Variants in KCNJ16 observed in about 807,000 individuals in gnomAD.
KCNJ16 encodes potassium inwardly rectifying channel subfamily J member 16, also known as inward rectifier potassium channel 16.
In KCNJ16, 15 loss-of-function variants were observed where a neutral mutation model predicts 18.5. That is an observed-to-expected ratio of 0.81 (90% CI 0.54 to 1.25). The LOEUF is 1.25. Among genes scored for constraint, KCNJ16 ranks in the 50% most tolerant of loss-of-function variants. The probability of loss-of-function intolerance (pLI) is 0.00; values close to 1 mark genes in which losing one functional copy is unlikely to be tolerated. For synonymous variants in KCNJ16, 174 were observed against 186.5 expected (o/e 0.93, Z 0.55); for missense variants, 523 against 525.7 (o/e 0.99, Z 0.05).
At chr17:70,092,521 G>GATAGATAGATAGATAGATAC in intron 1 of KCNJ16, among the ~76,000 whole-genome samples, 1 of 98,958 alleles carries the variant, frequency 1.0e-5, no homozygotes, top group Non-Finnish European at 2.0e-5. Flanking sequence ...TAGATAGATA[G>GATAGATAGATAGATAGATAC]ATACATAGAC....
At chr17:70,122,308 G>C (rs2073673802) in intron 2 of KCNJ16, among the ~76,000 whole-genome samples, 2 of 151,734 alleles carry the variant, frequency 1.3e-5, no homozygotes, top group Non-Finnish European at 2.9e-5. Context: ...AAGTAGCTGG[G>C]ATTACAGGCA....
chr17:70,109,750 G>T (rs1437245029), intron 2 of KCNJ16, among the ~76,000 whole-genome samples: 11 of 152,144 alleles, frequency 7.2e-5, no homozygotes, highest in Non-Finnish European at 1.2e-4. Context: ...TAGAAGTCTG[G>T]CCACTACATT....
chr17:70,101,546 G>A (rs1314745530), intron 2 of KCNJ16: 1 of 151,830 alleles, frequency 6.6e-6, no homozygotes, highest in Non-Finnish European at 1.5e-5. Flanking sequence ...TAGCCTTAAT[G>A]CTAATATCAT....
chr17:70,103,324 A>ACACACACACACATCACAT (rs142139198), intron 2 of KCNJ16, among the ~76,000 whole-genome samples: 16 of 113,348 alleles, frequency 1.4e-4, no homozygotes, highest in Non-Finnish European at 2.8e-4. Context: ...ATATATATAC[A>ACACACACACACATCACAT]CACACATATA....
At chr17:70,130,202 T>G (rs1567807540) in intron 2 of KCNJ16, among the ~76,000 whole-genome samples, 1 of 152,176 alleles carries the variant, frequency 6.6e-6, no homozygotes, top group South Asian at 2.1e-4. Flanking sequence ...TACAGCAGCT[T>G]CTTCTGTTTG....
At chr17:70,102,145 C>T (rs1462901287) in intron 2 of KCNJ16, 1 of 151,596 alleles carries the variant, frequency 6.6e-6, no homozygotes, top group African/African-American at 2.4e-5. Context: ...CATTCTCTCC[C>T]CATGATTTTA....
At chr17:70,127,875 TTG>T (rs1365053676) in intron 2 of KCNJ16, among the ~76,000 whole-genome samples, 2 of 152,218 alleles carry the variant, frequency 1.3e-5, no homozygotes, top group African/African-American at 2.4e-5. Context: ...ACATTCAGAA[TTG>T]TGTTTTCTGA....
At chr17:70,129,221 C>A (rs1028113125) in intron 2 of KCNJ16, among the ~76,000 whole-genome samples, 1 of 152,016 alleles carries the variant, frequency 6.6e-6, no homozygotes, top group Non-Finnish European at 1.5e-5. Context: ...TTTCTCATGG[C>A]GGAATTAATG....
intron 1 of KCNJ16, among the ~76,000 whole-genome samples, chr17:70,085,775 G>A (rs1172468031): frequency 6.6e-6 from 1 of 151,932 alleles, no homozygotes; most frequent in Non-Finnish European, 1.5e-5. Context: ...AATAAAAAAA[G>A]CAAACCACAG....
chr17:70,086,935 G>A (rs138383684), intron 1 of KCNJ16, among the ~76,000 whole-genome samples: 2,316 of 152,154 alleles, frequency 0.015, 26 homozygotes, highest in Non-Finnish European at 0.021. Flanking sequence ...GTCTCACTCT[G>A]TCACCCAGGC....
chr17:70,103,317 T>C (rs1189008553), intron 2 of KCNJ16, among the ~76,000 whole-genome samples: 2,324 of 19,964 alleles, frequency 0.12, 29 homozygotes, highest in Non-Finnish European at 0.19. Flanking sequence ...TATATATATA[T>C]ATATACACAC....
chr17:70,129,963 A>C (rs989245145), intron 2 of KCNJ16, among the ~76,000 whole-genome samples: 8 of 151,860 alleles, frequency 5.3e-5, no homozygotes, highest in Admixed American at 2.6e-4. Context: ...GGCAGAAGAA[A>C]AGAGCAGAGT....
Position 70,133,393 on chromosome 17 carries a change from G to A in KCNJ16, c.*49G>A. ...TACCACTGAATCATTTTATCTTTCA[G>A]CCAATCAAGTCGTTGTAAACGTGGC... On this transcript the variant is annotated 3_prime_UTR_variant, in exon 4 of 4. Transcript: ENST00000392671. The A allele has an allele frequency of 6.6e-7, 1 of 1,522,006 alleles. No homozygotes were observed. Among genetic ancestry groups the A allele is most frequent in the Non-Finnish European group, 8.9e-7 (1 of 1,119,856 alleles). 94.3% of individuals were successfully genotyped at this position (1,522,006 alleles called of 1,614,324 possible).
At chr17:70,096,611 T>C (rs2190607) in intron 1 of KCNJ16, 194,035 of 231,974 alleles carry the variant, frequency 0.84, 81,352 homozygotes, top group East Asian at 0.94. Flanking sequence ...TATTATTACA[T>C]CATAATAGGT....
chr17:70,117,518 C>A (rs757631419), intron 2 of KCNJ16, among the ~76,000 whole-genome samples: 5 of 152,058 alleles, frequency 3.3e-5, no homozygotes, highest in Admixed American at 6.5e-5. Flanking sequence ...AAGACGATAA[C>A]ATAAAAACAA....
chr17:70,103,313 T>TACAC (rs1331181285), intron 2 of KCNJ16, among the ~76,000 whole-genome samples: 69 of 16,674 alleles, frequency 4.1e-3, no homozygotes, highest in Non-Finnish European at 7.5e-3. Flanking sequence ...TATATATATA[T>TACAC]ATATATATAC....
chr17:70,098,586 C>T (rs1057217955), intron 1 of KCNJ16, among the ~76,000 whole-genome samples: 5 of 148,682 alleles, frequency 3.4e-5, no homozygotes, highest in Admixed American at 6.7e-5. Context: ...AATTGTATTA[C>T]GTGTGTGTGT....
chr17:70,082,119 C>T (rs1302701746), intron 1 of KCNJ16, among the ~76,000 whole-genome samples: 1 of 152,116 alleles, frequency 6.6e-6, no homozygotes, highest in Non-Finnish European at 1.5e-5. Flanking sequence ...AAGTCAAAGT[C>T]TAGCAAAGGA....
chr17:70,133,213 G>A lies in KCNJ16; in HGVS notation c.1126G>A (p.Ala376Thr). The A allele has an allele frequency of 3.1e-6, 5 of 1,614,212 alleles. No homozygotes were observed. Among genetic ancestry groups the A allele is most frequent in the Non-Finnish European group, 4.2e-6 (5 of 1,180,032 alleles). The change falls in exon 4 of 4, where the codon GCA (alanine) becomes ACA (threonine). Residue 376 changes from alanine (A) to threonine (T), a missense_variant. Physicochemically the swap from Ala to Thr is moderately conservative, Grantham distance 58 (BLOSUM62 0). Coordinates refer to ENST00000392671, the MANE Select transcript of KCNJ16 (RefSeq NM_170741.4). ...DTKARRRSFS[A>T]VAIVSSCENP... ...CAAGGCGAGACGAAGGTCATTTAGT[G>A]CAGTTGCCATTGTCAGCAGCTGTGA...
Sources: gnomAD v4.1 joint callset for allele counts (sites outside exome capture counted in the v4.1 genomes callset) on GRCh38, gnomAD v4.1.1 for gene constraint, MANE v1.5 for transcripts, NCBI Gene and HGNC (gene_info 2026-07-23, HGNC 2026-07-21) for gene names.